Variants in WDR93 observed in about 807,000 individuals in gnomAD.
WDR93 encodes WD repeat domain 93.
A neutral mutation model predicts 82.9 loss-of-function variants in WDR93; 73 were observed. That is an observed-to-expected ratio of 0.88 (90% CI 0.73 to 1.07). The LOEUF (loss-of-function observed/expected upper bound fraction) is 1.07, where lower values mean the gene tolerates loss of function less well. Ranked by LOEUF, WDR93 falls within the 50% of genes least tolerant of loss-of-function variation. WDR93 has a pLI of 0.00. For synonymous variants in WDR93, 283 were observed against 300.1 expected (o/e 0.94, Z 0.59); for missense variants, 738 against 826.0 (o/e 0.89, Z 1.31).
rs1488132633 is a variant in WDR93, at chr15:89,703,136, G to A, written c.490G>A (p.Glu164Lys). 1.2e-6 allele frequency: 2 copies of A among 1,614,092 alleles called. No individual in the cohort carries two copies. Among genetic ancestry groups the A allele is most frequent in the Non-Finnish European group, 1.7e-6 (2 of 1,180,030 alleles). Residue 164 changes from glutamate to lysine, a missense_variant, in exon 3 of 17, where the codon GAA (glutamate) becomes AAA (lysine). Glu to Lys is a moderately conservative substitution (Grantham distance 56, BLOSUM62 1). Transcript: ENST00000268130. ...GNEILIAPVD[E>K]MGIIRLFYFY... is the part of the protein sequence containing the mutation. ...TGAAATACTCATTGCTCCTGTGGATGAAATGGGTATTGTTCTTCATCTTCC... is the reference window on the plus strand; with the variant it reads ...TGAAATACTCATTGCTCCTGTGGATAAAATGGGTATTGTTCTTCATCTTCC...
intron 8 of WDR93, among the ~76,000 whole-genome samples, chr15:89,726,669 A>C (rs1966749599): frequency 6.6e-6 from 1 of 152,232 alleles, no homozygotes; most frequent in African/African-American, 2.4e-5. Flanking sequence ...TGACTGACAG[A>C]GAAAGATTTT....
intron 7 of WDR93, among the ~76,000 whole-genome samples, chr15:89,717,578 G>A (rs1285321432): frequency 1.3e-5 from 2 of 152,144 alleles, no homozygotes; most frequent in Non-Finnish European, 2.9e-5. Context: ...CCTCACTTGG[G>A]CCCCTGGAAG....
rs755340682 is a variant in WDR93 at position 89,716,939 on chromosome 15, C to G, written c.785C>G (p.Pro262Arg). 1 of 1,548,378 alleles carries G rather than the reference C, an allele frequency of 6.5e-7. No homozygotes were observed. The highest frequency in any genetic ancestry group is 1.3e-5 in the South Asian group (1 of 77,766). Residue 262 changes from proline (P) to arginine (R), a missense_variant, in exon 7 of 17, where the codon CCT becomes CGT. By Grantham distance (103) the Pro-to-Arg change is moderately radical. Coordinates refer to ENST00000268130, the MANE Select transcript of WDR93 (RefSeq NM_020212.2). ...TCCCTTGGTCCCATTTCTGCAGATC[C>G]TTTAGAAATGGTAAGAAACTTTAAA... ...LNSLGPISAD[P>R]LEMDANVSFK...
Position 89,729,071 on chromosome 15 carries a change from A to T in WDR93, c.1101A>T (p.Pro367=). 1.2e-6 allele frequency: 2 copies of T among 1,614,018 alleles called. No homozygotes were observed. Among genetic ancestry groups the T allele is most frequent in the Non-Finnish European group, 1.7e-6 (2 of 1,179,992 alleles). Residue 367 remains proline, a synonymous_variant, in exon 10 of 17, where the codon CCA becomes CCT. Transcript: ENST00000268130. The part of the protein sequence containing the change: ...FLLPSCLFAM[P]PEVKGPSGMA... ...TTCCTAGCTGCCTATTTGCAATGCC[A>T]CCGGAAGTCAAGGGCCCCTCAGGTA...
chr15:89,695,866 G>A (rs1965145582), intron 1 of WDR93, among the ~76,000 whole-genome samples: 1 of 139,108 alleles, frequency 7.2e-6, no homozygotes, highest in Non-Finnish European at 1.5e-5. Flanking sequence ...ACCCAGGCTG[G>A]AGTGCAATGG....
intron 8 of WDR93, among the ~76,000 whole-genome samples, chr15:89,724,204 T>A (rs1966640028): frequency 6.6e-6 from 1 of 151,876 alleles, no homozygotes; most frequent in African/African-American, 2.4e-5. Flanking sequence ...TAGCTAGGCA[T>A]GGTGGCCTGT....
At chr15:89,735,421 C>A in intron 13 of WDR93, 69 bp from the exon 14 acceptor site, 1 of 1,505,818 alleles carries the variant, frequency 6.6e-7, no homozygotes, top group Non-Finnish European at 9.2e-7. Flanking sequence ...GGATATATGC[C>A]TAGAAGAGGA....
At chr15:89,695,813 CT>C (rs58664153) in intron 1 of WDR93, among the ~76,000 whole-genome samples, 1,318 of 99,276 alleles carry the variant, frequency 0.013, 9 homozygotes, top group African/African-American at 0.049. Flanking sequence ...TCATGCTGTC[CT>C]TTTTTTTTTT....
chr15:89,727,959 T>C (rs6496595), intron 9 of WDR93, among the ~76,000 whole-genome samples: 64,736 of 151,556 alleles, frequency 0.43, 14,343 homozygotes, highest in African/African-American at 0.49. Flanking sequence ...CGGGCACCTG[T>C]AATTCCAGCT....
intron 8 of WDR93, 35 bp from the exon 9 acceptor site, chr15:89,727,122 A>G (rs575040492): frequency 5.6e-6 from 9 of 1,601,232 alleles, no homozygotes; most frequent in Admixed American, 1.7e-5. Context: ...GGGGAGTCAC[A>G]TGGCTTGACT....
chr15:89,732,678 A>G lies in WDR93; in HGVS notation c.1331-328A>G, dbSNP rs1436279472. Among the ~76,000 whole-genome samples, 3 of 151,542 alleles carry G rather than the reference A, an allele frequency of 2.0e-5. No individual in the cohort carries two copies. In the East Asian group the frequency reaches 5.8e-4, roughly 29 times the overall value. The stretch of plus-strand genomic sequence containing the variant: ...GAAACAGCTGTGCCTCCCCCTGCCC[A>G]TACGCCTTTGCATCCCATGGTCAGC... On this transcript the variant is annotated intron_variant, in intron 12 of 16. Coordinates refer to ENST00000268130, the MANE Select transcript of WDR93 (RefSeq NM_020212.2).
chr15:89,724,068 G>C (rs1966633241), intron 8 of WDR93, among the ~76,000 whole-genome samples: 1 of 152,076 alleles, frequency 6.6e-6, no homozygotes, highest in Admixed American at 6.6e-5. Context: ...TGGGCGTGAT[G>C]GCGTGCACCT....
chr15:89,731,391 T>A (rs1312938111), intron 11 of WDR93, 52 bp from the exon 12 acceptor site: 2 of 1,598,620 alleles, frequency 1.3e-6, no homozygotes, highest in East Asian at 4.5e-5. Flanking sequence ...GTAGAAGTGA[T>A]GGGTAGGTGC....
At chr15:89,711,710 T>A (rs1450069051) in intron 4 of WDR93, among the ~76,000 whole-genome samples, 1 of 152,174 alleles carries the variant, frequency 6.6e-6, no homozygotes, top group African/African-American at 2.4e-5. Context: ...AGTTGAATAA[T>A]TGGATGCCAG....
chr15:89,736,981 C>T (rs571578307), intron 14 of WDR93, among the ~76,000 whole-genome samples: 30 of 152,112 alleles, frequency 2.0e-4, no homozygotes, highest in Admixed American at 1.1e-3. Flanking sequence ...TTAGTAGAGA[C>T]GAGGTTTCAC....
At chr15:89,720,313 C>T (rs922653535) in intron 7 of WDR93, among the ~76,000 whole-genome samples, 1 of 151,974 alleles carries the variant, frequency 6.6e-6, no homozygotes, top group Non-Finnish European at 1.5e-5. Context: ...CATTCTGTTG[C>T]TCAGACTGGA....
chr15:89,742,681 G>T (rs1005292313), intron 16 of WDR93, among the ~76,000 whole-genome samples: 1 of 152,056 alleles, frequency 6.6e-6, no homozygotes, highest in Non-Finnish European at 1.5e-5. Context: ...TTACAGGCAC[G>T]TGCCACCACG....
At chr15:89,701,577 TG>T in intron 1 of WDR93, 129 bp from the exon 2 acceptor site, 1 of 763,556 alleles carries the variant, frequency 1.3e-6, no homozygotes, top group Non-Finnish European at 2.1e-6. Flanking sequence ...AATAGTCCTC[TG>T]GTAATTAAGG....
At chr15:89,721,334 A>C (rs1003869089) in intron 7 of WDR93, 13 of 152,184 alleles carry the variant, frequency 8.5e-5, no homozygotes, top group African/African-American at 3.1e-4. Flanking sequence ...AAGCAGGAGG[A>C]TCACAGGAGC....
Sources: gnomAD v4.1 joint callset for allele counts (sites outside exome capture counted in the v4.1 genomes callset) on GRCh38, gnomAD v4.1.1 for gene constraint, MANE v1.5 for transcripts, NCBI Gene and HGNC (gene_info 2026-07-23, HGNC 2026-07-21) for gene names.